Variants in TRPM8 observed in about 807,000 individuals in gnomAD.
TRPM8 encodes TRPM8 cationic channel.
A neutral mutation model predicts 133.7 loss-of-function variants in TRPM8; 110 were observed. The ratio of observed to expected loss-of-function variants is 0.82; its 90% confidence interval spans 0.70 to 0.96. TRPM8 has a LOEUF of 0.96. TRPM8 is among the 40% of genes least tolerant of loss of function. The pLI is 0.00. For synonymous variants in TRPM8, 535 were observed against 532.3 expected (o/e 1.01, Z -0.07); for missense variants, 1,291 against 1,379.5 (o/e 0.94, Z 1.02).
chr2:233,967,457 A>G (rs1691604358), intron 15 of TRPM8, among the ~76,000 whole-genome samples: 1 of 152,224 alleles, frequency 6.6e-6, no homozygotes, highest in South Asian at 2.1e-4. Flanking sequence ...GCCACATTTC[A>G]TCTTCACAGC....
intron 15 of TRPM8, among the ~76,000 whole-genome samples, chr2:233,969,242 G>C (rs1006247664): frequency 4.6e-5 from 7 of 152,160 alleles, no homozygotes; most frequent in African/African-American, 1.7e-4. Flanking sequence ...ACTTTGGGAG[G>C]CCGAGGCGGT....
At chr2:233,975,286 A>G (rs1691840004) in intron 17 of TRPM8, among the ~76,000 whole-genome samples, 1 of 152,184 alleles carries the variant, frequency 6.6e-6, no homozygotes, top group African/African-American at 2.4e-5. Context: ...ATTCAACTCA[A>G]GGGCTGTGTG....
rs1398112296 is a variant in TRPM8, at chr2:233,927,868, T to C, written c.117+1214T>C. Among the ~76,000 whole-genome samples, 54 of 51,704 alleles carry C rather than the reference T, an allele frequency of 1.0e-3. 4 individuals carry two copies. The East Asian group carries it at 0.011, about 10-fold the overall frequency. The allele number at this position is 51,704 out of a possible 152,430, so 33.9% of individuals were successfully genotyped here. On this transcript the variant is annotated intron_variant, in intron 2 of 25. Coordinates refer to ENST00000324695, the MANE Select transcript of TRPM8 (RefSeq NM_024080.5). ...CCTTCCTTCCTTTCTTTCTCTTTCT[T>C]TCTTTCTTTCTTTCTTTCTTTCTTT...
At position 233,981,921 on chromosome 2, in the gene TRPM8, A is replaced by G. The variant is rs756323098; in HGVS notation, c.2589+6A>G. 1.2e-6 allele frequency: 2 copies of G among 1,601,012 alleles called. No individual in the cohort carries two copies. Among genetic ancestry groups the G allele is most frequent in the Non-Finnish European group, 1.7e-6 (2 of 1,176,436 alleles). On this transcript the variant is annotated splice_donor_region_variant and intron_variant, in intron 19 of 25. Coordinates refer to ENST00000324695, the MANE Select transcript of TRPM8 (RefSeq NM_024080.5). Reference sequence around the variant, plus strand: ...TTATAATGCTGCAGAGGATGGTAAGAGTCAAGAATATTTGTAGTCATCATT... The same window carrying G: ...TTATAATGCTGCAGAGGATGGTAAGGGTCAAGAATATTTGTAGTCATCATT...
intron 22 of TRPM8, among the ~76,000 whole-genome samples, chr2:233,998,908 C>G (rs1213518211): frequency 6.6e-6 from 1 of 152,160 alleles, no homozygotes; most frequent in Non-Finnish European, 1.5e-5. Flanking sequence ...CTGCTGATCA[C>G]CCTTCTAGTC....
At chr2:233,945,013 A>G (rs1345435198) in intron 6 of TRPM8, among the ~76,000 whole-genome samples, 1 of 152,186 alleles carries the variant, frequency 6.6e-6, no homozygotes, top group African/African-American at 2.4e-5. Flanking sequence ...TCTTTTAACC[A>G]CTATAGTATT....
intron 14 of TRPM8, among the ~76,000 whole-genome samples, chr2:233,965,226 C>T (rs1356463669): frequency 6.6e-6 from 1 of 152,196 alleles, no homozygotes; most frequent in Non-Finnish European, 1.5e-5. Context: ...AAGCAGCAGC[C>T]TGAGTAGCAT....
intron 17 of TRPM8, among the ~76,000 whole-genome samples, chr2:233,974,318 C>A (rs1691809298): frequency 2.0e-5 from 3 of 152,120 alleles, no homozygotes; most frequent in Non-Finnish European, 4.4e-5. Context: ...ACTGCAACCT[C>A]CACCTCCCAG....
chr2:233,998,888 G>C (rs1285386655), intron 22 of TRPM8, among the ~76,000 whole-genome samples: 1 of 152,182 alleles, frequency 6.6e-6, no homozygotes, highest in Non-Finnish European at 1.5e-5. Context: ...AACCTCCTTG[G>C]TTTCAGGGAC....
intron 17 of TRPM8, among the ~76,000 whole-genome samples, chr2:233,971,678 G>C (rs977295479): frequency 2.0e-5 from 3 of 152,170 alleles, no homozygotes; most frequent in East Asian, 3.9e-4. Flanking sequence ...GATGTGTTCG[G>C]AGTTTCTTCC....
In TRPM8 at chr2:234,018,845, AAAATAAATAAATAAAT is replaced by A. The variant is rs55805312; in HGVS notation, c.*1611_*1626del. On this transcript the variant is annotated 3_prime_UTR_variant, in exon 26 of 26. Transcript: ENST00000324695. ...GGGTGACAGAGTGAGACTCCGACTG[AAAATAAATAAATAAAT>A]AAATAAATAAATAAATAAATATTAT... The A allele has an allele frequency of 2.8e-5, 4 of 141,830 alleles. No homozygotes were observed. The highest frequency in any genetic ancestry group is 2.0e-4 in the East Asian group (1 of 4,934). The allele number at this position is 141,830 out of a possible 1,614,324, so 8.8% of individuals were successfully genotyped here.
intron 17 of TRPM8, among the ~76,000 whole-genome samples, chr2:233,977,779 A>G (rs1691906278): frequency 6.6e-6 from 1 of 152,230 alleles, no homozygotes; most frequent in Non-Finnish European, 1.5e-5. Flanking sequence ...TATGGTCCTG[A>G]TAATAATGGT....
intron 3 of TRPM8, among the ~76,000 whole-genome samples, chr2:233,934,542 A>T (rs566047262): frequency 4.6e-5 from 7 of 152,260 alleles, no homozygotes; most frequent in African/African-American, 1.7e-4. Context: ...GTCCACGTCA[A>T]TGCACCATCT....
rs28901601 is a variant in TRPM8 at position 233,922,276 on chromosome 2, C to G, written c.-5-4257C>G. Among the ~76,000 whole-genome samples, 358 of 152,276 alleles carry G rather than the reference C, an allele frequency of 2.4e-3. 2 individuals are homozygous for G. The highest frequency in any genetic ancestry group is 8.4e-3 in the African/African-American group (351 of 41,554). On this transcript the variant is annotated intron_variant, in intron 1 of 25. Coordinates refer to ENST00000324695, the MANE Select transcript of TRPM8 (RefSeq NM_024080.5). Reference sequence around the variant, plus strand: ...CACTTTTCCCCTTGGCATAATCAACCTGGAAGGTCCTAAAATTTTATTTTC... The same window carrying G: ...CACTTTTCCCCTTGGCATAATCAACGTGGAAGGTCCTAAAATTTTATTTTC...
chr2:233,951,251 A>C (rs552768400), intron 9 of TRPM8, among the ~76,000 whole-genome samples: 1 of 152,318 alleles, frequency 6.6e-6, no homozygotes, highest in East Asian at 1.9e-4. Flanking sequence ...AAAAACAAAC[A>C]ATCAAAAAAA....
At chr2:233,942,435 C>G (rs1009481387) in intron 5 of TRPM8, 141 bp from the exon 6 acceptor site, 2 of 797,640 alleles carry the variant, frequency 2.5e-6, no homozygotes, top group East Asian at 2.5e-5. Context: ...GTCCCCTCTC[C>G]TTCCTTGCCA....
intron 4 of TRPM8, among the ~76,000 whole-genome samples, chr2:233,938,321 G>A (rs1179622440): frequency 6.6e-6 from 1 of 152,200 alleles, no homozygotes; most frequent in Non-Finnish European, 1.5e-5. Context: ...CAGGGCCCGT[G>A]CAGCACCCCC....
At chr2:233,933,333 T>G (rs7569987) in intron 3 of TRPM8, among the ~76,000 whole-genome samples, 32,389 of 152,138 alleles carry the variant, frequency 0.21, 5,274 homozygotes, top group African/African-American at 0.45. Context: ...AACGAAGGAA[T>G]GTTTTTAATT....
intron 22 of TRPM8, 124 bp from the exon 23 acceptor site, chr2:234,006,729 A>G: frequency 1.5e-6 from 1 of 654,126 alleles, no homozygotes; most frequent in Non-Finnish European, 2.7e-6. Context: ...CAGTCAAACC[A>G]GCCTGTGCAG....
Sources: allele counts gnomAD v4.1 joint callset (sites outside exome capture counted in the v4.1 genomes callset), GRCh38; gene constraint gnomAD v4.1.1; transcripts MANE v1.5; gene names NCBI Gene and HGNC (gene_info 2026-07-23, HGNC 2026-07-21).